The following SLC44A1 variants were observed in gnomAD, a reference collection of about 807,000 sequenced individuals.
SLC44A1 encodes choline transporter-like protein 1.
SLC44A1 carries 26 observed loss-of-function variants against 79.3 expected under a neutral mutation model. The ratio of observed to expected loss-of-function variants is 0.33; its 90% CI spans 0.24 to 0.46. SLC44A1 has a LOEUF of 0.46. SLC44A1 is among the 20% of genes least tolerant of loss of function. SLC44A1 has a pLI of 1.00. For synonymous variants in SLC44A1, 263 were observed against 286.2 expected, an observed-to-expected ratio of 0.92 and a Z score of 0.82; for missense variants, 688 against 798.1, an observed-to-expected ratio of 0.86 and a Z score of 1.66.
intron 4 of SLC44A1, among the ~76,000 whole-genome samples, chr9:105,337,539 C>G (rs752499904): frequency 1.7e-4 from 26 of 152,170 alleles, no homozygotes; most frequent in Admixed American, 2.0e-4. Context: ...TTTTAGCTCT[C>G]TTACATACTA....
chr9:105,385,362 C>A, intron 14 of SLC44A1, 60 bp from the exon 15 acceptor site: 1 of 1,170,392 alleles, frequency 8.5e-7, no homozygotes, highest in Non-Finnish European at 1.2e-6. Flanking sequence ...CTTTAGAATT[C>A]ATCTACTAAC....
intron 3 of SLC44A1, among the ~76,000 whole-genome samples, chr9:105,331,493 G>T (rs969128480): frequency 6.6e-6 from 1 of 152,068 alleles, no homozygotes; most frequent in African/African-American, 2.4e-5. Flanking sequence ...AGTTCATTTT[G>T]TTTAAAGTGA....
intron 1 of SLC44A1, among the ~76,000 whole-genome samples, chr9:105,282,841 T>C (rs1236195555): frequency 1.3e-5 from 2 of 152,174 alleles, no homozygotes; most frequent in Non-Finnish European, 2.9e-5. Context: ...CCACTGCGCC[T>C]GGCACGTCTT....
At position 105,395,515 on chromosome 9, in the gene SLC44A1, G is replaced by A. The variant is rs980145516; in HGVS notation, c.*6459G>A. The A allele has an allele frequency of 2.2e-5, 22 of 985,214 alleles. No homozygotes were observed. Among genetic ancestry groups the A allele is most frequent in the African/African-American group, 7.0e-5 (4 of 57,238 alleles). 61.0% of individuals were successfully genotyped at this position (985,214 alleles called of 1,614,324 possible). A position where few individuals can be genotyped will look rare whatever the true frequency, so the allele number is the denominator to read the frequency against. ...ATTACAGGCATGAGCCACCGCGCCC[G>A]GCCTAGAAGAGTTTTAATGAACCTT... On this transcript the variant is annotated 3_prime_UTR_variant, in exon 16 of 16. Coordinates refer to ENST00000374720, the MANE Select transcript of SLC44A1 (RefSeq NM_080546.5).
intron 12 of SLC44A1, among the ~76,000 whole-genome samples, chr9:105,373,002 C>T (rs375358842): frequency 3.3e-5 from 5 of 151,836 alleles, no homozygotes; most frequent in African/African-American, 1.2e-4. Flanking sequence ...ACAATACTCT[C>T]TTTGGCTCTG....
At chr9:105,377,873 G>A (rs1020872544) in intron 13 of SLC44A1, among the ~76,000 whole-genome samples, 3 of 151,998 alleles carry the variant, frequency 2.0e-5, no homozygotes, top group Non-Finnish European at 2.9e-5. Context: ...TTTTATTCAT[G>A]TCTTTATAGA....
intron 1 of SLC44A1, among the ~76,000 whole-genome samples, chr9:105,248,903 T>TA (rs1172241376): frequency 6.6e-6 from 1 of 152,242 alleles, no homozygotes; most frequent in Non-Finnish European, 1.5e-5. Flanking sequence ...CAAATTGCCG[T>TA]AAGTCTTTGT....
At chr9:105,432,589 C>G (rs76720266) in intron 15 of SLC44A1, among the ~76,000 whole-genome samples, 2,024 of 152,340 alleles carry the variant, frequency 0.013, 32 homozygotes, top group African/African-American at 0.039. Flanking sequence ...TCTGCCATAA[C>G]AATCCAAGAT....
Position 105,390,363 on chromosome 9 carries a change from TG to T in SLC44A1, c.*1308del. The stretch of plus-strand genomic sequence containing the variant: ...CAATTTTTTTAAAAAAAGCTATTTT[TG>T]TTAATGTAAAGTAAATATTTCAGAG... On this transcript the variant is annotated 3_prime_UTR_variant, in exon 16 of 16. Coordinates refer to ENST00000374720, the MANE Select transcript of SLC44A1 (RefSeq NM_080546.5). 1.0e-6 allele frequency: 1 copy of T among 977,740 alleles called. No homozygotes were observed. 60.6% of individuals were successfully genotyped at this position (977,740 alleles called of 1,614,324 possible). A position where few individuals can be genotyped will look rare whatever the true frequency, so the allele number is the denominator to read the frequency against.
At chr9:105,331,386 T>G (rs969749162) in intron 3 of SLC44A1, among the ~76,000 whole-genome samples, 3 of 152,260 alleles carry the variant, frequency 2.0e-5, no homozygotes, top group Admixed American at 1.3e-4. Flanking sequence ...CCCTCTCAGC[T>G]GAAATACTCA....
intron 15 of SLC44A1, among the ~76,000 whole-genome samples, chr9:105,406,882 A>C (rs894018556): frequency 6.6e-6 from 1 of 152,216 alleles, no homozygotes; most frequent in Non-Finnish European, 1.5e-5. Context: ...AAAGAAAATC[A>C]AGAGAACAAT....
intron 15 of SLC44A1, among the ~76,000 whole-genome samples, chr9:105,423,683 A>G (rs1829284993): frequency 6.6e-6 from 1 of 152,214 alleles, no homozygotes; most frequent in African/African-American, 2.4e-5. Context: ...TTCATATCTC[A>G]GTAAATAGTA....
chr9:105,427,171 G>C (rs114433948), intron 15 of SLC44A1, among the ~76,000 whole-genome samples: 9 of 152,136 alleles, frequency 5.9e-5, no homozygotes, highest in African/African-American at 2.2e-4. Context: ...GAGCTCAAGC[G>C]ATCTACTCGC....
At chr9:105,331,980 A>G (rs1188489996) in intron 3 of SLC44A1, among the ~76,000 whole-genome samples, 2 of 152,188 alleles carry the variant, frequency 1.3e-5, no homozygotes, top group Non-Finnish European at 2.9e-5. Flanking sequence ...ACTAACACCT[A>G]CACACCCAAC....
downstream of SLC44A1, among the ~76,000 whole-genome samples, chr9:105,401,085 C>T (rs1828951989): frequency 6.6e-6 from 1 of 152,152 alleles, no homozygotes; most frequent in Non-Finnish European, 1.5e-5. Flanking sequence ...CAGTCATCAG[C>T]CAGTACATTC....
chr9:105,421,091 C>T (rs1424061238), intron 15 of SLC44A1, among the ~76,000 whole-genome samples: 4 of 152,106 alleles, frequency 2.6e-5, no homozygotes, highest in South Asian at 2.1e-4. Context: ...AGGTGTTAAG[C>T]GTTTTAAAAA....
intron 15 of SLC44A1, among the ~76,000 whole-genome samples, chr9:105,422,907 C>G (rs1024379928): frequency 5.3e-5 from 8 of 152,140 alleles, no homozygotes; most frequent in Middle Eastern, 3.2e-3. Flanking sequence ...GTTAAAAACT[C>G]TAGAGTTCTC....
chr9:105,343,254 GA>G (rs36059530), intron 4 of SLC44A1, among the ~76,000 whole-genome samples: 25,638 of 151,534 alleles, frequency 0.17, 2,917 homozygotes, highest in African/African-American at 0.33. Context: ...ACTATATTTT[GA>G]AAAAAAATTT....
intron 1 of SLC44A1, among the ~76,000 whole-genome samples, chr9:105,264,624 T>G (rs1478680591): frequency 6.6e-6 from 1 of 152,210 alleles, no homozygotes; most frequent in Admixed American, 6.5e-5. Flanking sequence ...GCTTATAAAC[T>G]CTCACCTAGT....
Sources: gnomAD v4.1 joint callset for allele counts (sites outside exome capture counted in the v4.1 genomes callset) on GRCh38, gnomAD v4.1.1 for gene constraint, MANE v1.5 for transcripts, NCBI Gene and HGNC (gene_info 2026-07-23, HGNC 2026-07-21) for gene names.